ARID2: variants seen among roughly 807,000 people sequenced by gnomAD.
The protein encoded by ARID2 is AT-rich interactive domain-containing protein 2.
Under a neutral mutation model 184.6 loss-of-function variants are expected in ARID2, and 32 were observed. The observed-to-expected ratio is 0.17, with a 90% CI of 0.13 to 0.23. ARID2 has a LOEUF of 0.23. ARID2 is among the 10% of genes least tolerant of loss of function. The pLI, the probability that ARID2 is intolerant of heterozygous loss-of-function variation, is 1.00. For synonymous variants in ARID2, 836 were observed against 772.6 expected (o/e 1.08, Z -1.36); for missense variants, 1,696 against 2,197.6 (o/e 0.77, Z 4.56).
intron 16 of ARID2, among the ~76,000 whole-genome samples, chr12:45,876,523 C>T (rs1342937565): frequency 6.7e-6 from 1 of 150,210 alleles, no homozygotes; most frequent in Admixed American, 6.6e-5. Flanking sequence ...TGCACTCCAG[C>T]CTGGGCAACA....
Position 45,907,633 on chromosome 12 carries a change from A to G in ARID2, c.*2555A>G, listed in dbSNP as rs1017774517. The G allele has an allele frequency of 1.7e-5, 4 of 233,216 alleles. No individual in the cohort carries two copies. The highest frequency in any genetic ancestry group is 4.4e-5 in the African/African-American group (2 of 45,456). The allele number at this position is 233,216 out of a possible 1,614,324, so 14.4% of individuals were successfully genotyped here. ...AATGGAATTAAAGTGCTTTTGCACAATAAGTTCTGCAAAACCCTCTCATTC... is the reference window on the plus strand; with the variant it reads ...AATGGAATTAAAGTGCTTTTGCACAGTAAGTTCTGCAAAACCCTCTCATTC... On this transcript the variant is annotated 3_prime_UTR_variant, in exon 21 of 21. Transcript: ENST00000334344.
chr12:45,796,927 C>T (rs892208686), intron 3 of ARID2, among the ~76,000 whole-genome samples: 8 of 152,196 alleles, frequency 5.3e-5, no homozygotes, highest in African/African-American at 1.7e-4. Context: ...ACCGATATAA[C>T]ACTATGTATT....
chr12:45,826,380 G>A (rs907016597), intron 6 of ARID2, among the ~76,000 whole-genome samples: 1 of 151,924 alleles, frequency 6.6e-6, no homozygotes, highest in African/African-American at 2.4e-5. Context: ...GAGAGAGAGA[G>A]AAATGTTTTC....
At chr12:45,796,776 G>A (rs1459487043) in intron 3 of ARID2, among the ~76,000 whole-genome samples, 1 of 152,186 alleles carries the variant, frequency 6.6e-6, no homozygotes, top group Non-Finnish European at 1.5e-5. Context: ...GCCTCCCAGA[G>A]TGAATACTGA....
At chr12:45,830,715 A>T (rs536591892) in intron 6 of ARID2, among the ~76,000 whole-genome samples, 2 of 152,250 alleles carry the variant, frequency 1.3e-5, no homozygotes, top group South Asian at 4.1e-4. Context: ...CACAATGGGG[A>T]GTGGCAGTTA....
At chr12:45,813,363 A>T (rs1187639532) in intron 4 of ARID2, among the ~76,000 whole-genome samples, 1 of 151,938 alleles carries the variant, frequency 6.6e-6, no homozygotes, top group African/African-American at 2.4e-5. Flanking sequence ...TGACATGATT[A>T]TCAATATATA....
chr12:45,812,202 G>T (rs1942721898), intron 4 of ARID2, among the ~76,000 whole-genome samples: 1 of 148,036 alleles, frequency 6.8e-6, no homozygotes. Context: ...ACTAACATTT[G>T]GCCTAAAAAA....
At chr12:45,819,182 A>G (rs1220396334) in intron 5 of ARID2, among the ~76,000 whole-genome samples, 2 of 152,212 alleles carry the variant, frequency 1.3e-5, no homozygotes, top group Non-Finnish European at 2.9e-5. Context: ...GAATAGGATT[A>G]CATGTAAATA....
At chr12:45,877,525 T>C (rs1944028420) in intron 16 of ARID2, among the ~76,000 whole-genome samples, 2 of 152,066 alleles carry the variant, frequency 1.3e-5, no homozygotes, top group Admixed American at 1.3e-4. Flanking sequence ...TTTCATTATA[T>C]GGTACAATGA....
At position 45,846,955 on chromosome 12, in the gene ARID2, A is replaced by G. The variant is rs759143749; in HGVS notation, c.1580+18A>G. The G allele has an allele frequency of 6.2e-7, 1 of 1,608,158 alleles. No homozygotes were observed. Among genetic ancestry groups the G allele is most frequent in the Admixed American group, 1.7e-5 (1 of 59,882 alleles). ...TGTCAGTGGTAAGTGGTTTATTTCTATTAAGGATTTATCCTTGGGAGGAGT... is the reference window on the plus strand; with the variant it reads ...TGTCAGTGGTAAGTGGTTTATTTCTGTTAAGGATTTATCCTTGGGAGGAGT... On this transcript the variant is annotated intron_variant, in intron 12 of 20. Transcript: ENST00000334344.
intron 3 of ARID2, chr12:45,776,183 CAG>C (rs1484871407): frequency 1.3e-5 from 2 of 158,980 alleles, no homozygotes; most frequent in Admixed American, 1.3e-4. Flanking sequence ...TGCAAATATT[CAG>C]ACCTACTCAG....
At chr12:45,733,475 A>G (rs962000058) in intron 3 of ARID2, among the ~76,000 whole-genome samples, 2 of 152,248 alleles carry the variant, frequency 1.3e-5, no homozygotes, top group African/African-American at 4.8e-5. Flanking sequence ...CAGATTGAAT[A>G]TCATCATTAC....
rs1942872873 is a variant in ARID2, at chr12:45,820,086, CTT to C, written c.638-1332_638-1331del. Among the ~76,000 whole-genome samples the C allele has an allele frequency of 4.6e-5, 7 of 152,158 alleles. 1 individual carries two copies. Among genetic ancestry groups the C allele is most frequent in the Admixed American group, 4.6e-4 (7 of 15,284 alleles). ...TAAGGATTTTTCAGGACAAAGAAAA[CTT>C]TGTCTGTCTTTAGTGGTGTGTGGGC... On this transcript the variant is annotated intron_variant, in intron 5 of 20. Transcript: ENST00000334344.
At chr12:45,792,530 A>G (rs1039883587) in intron 3 of ARID2, among the ~76,000 whole-genome samples, 7 of 152,192 alleles carry the variant, frequency 4.6e-5, no homozygotes, top group African/African-American at 1.7e-4. Flanking sequence ...CAGTATGTCC[A>G]TTAGTTCAAG....
At chr12:45,871,897 TAGAG>T in intron 16 of ARID2, among the ~76,000 whole-genome samples, 1 of 152,212 alleles carries the variant, frequency 6.6e-6, no homozygotes, top group African/African-American at 2.4e-5. Flanking sequence ...TATGTGAGCA[TAGAG>T]ATATTTCTGT....
At position 45,850,745 on chromosome 12, in the gene ARID2, A is replaced by G; in HGVS notation, c.2622A>G (p.Thr874=). Residue 874 remains threonine (T), a synonymous_variant, in exon 15 of 21, where the codon ACA becomes ACG. Transcript: ENST00000334344. ...ATSVQNFQVA[T]GQMVTIAGVP... ...CAGTACAGAATTTTCAGGTAGCTACAGGACAAATGGTTACTATTGCTGGTG... is the reference window on the plus strand; with the variant it reads ...CAGTACAGAATTTTCAGGTAGCTACGGGACAAATGGTTACTATTGCTGGTG... 6.2e-7 allele frequency: 1 copy of G among 1,614,134 alleles called. No individual in the cohort carries two copies. Among genetic ancestry groups the G allele is most frequent in the Non-Finnish European group, 8.5e-7 (1 of 1,179,982 alleles).
At chr12:45,775,491 G>C (rs183788885) in intron 3 of ARID2, among the ~76,000 whole-genome samples, 57 of 152,278 alleles carry the variant, frequency 3.7e-4, no homozygotes, top group African/African-American at 1.3e-3. Context: ...TTCTCTCTCA[G>C]AAGTTTCTGG....
At position 45,848,905 on chromosome 12, in the gene ARID2, C is replaced by T. The variant is rs1943490145; in HGVS notation, c.1650C>T (p.Leu550=). 1.2e-6 allele frequency: 2 copies of T among 1,612,628 alleles called. No homozygotes were observed. The highest frequency in any genetic ancestry group is 1.7e-6 in the Non-Finnish European group (2 of 1,179,056). ...GAGCAGAAATGTATTCTGAATACCTCTCGACTTGCAGTAAATTAGCTCGTG... is the reference window on the plus strand; with the variant it reads ...GAGCAGAAATGTATTCTGAATACCTTTCGACTTGCAGTAAATTAGCTCGTG... ...VSRAEMYSEY[L]STCSKLARGG... Residue 550 remains leucine (L), a synonymous_variant, in exon 13 of 21, where the codon CTC becomes CTT. Transcript: ENST00000334344.
chr12:45,877,388 TCCTTATGAGAA>T (rs1427197979), intron 16 of ARID2, among the ~76,000 whole-genome samples: 1 of 151,660 alleles, frequency 6.6e-6, no homozygotes, highest in African/African-American at 2.4e-5. Context: ...GGTTGCATGC[TCCTTATGAGAA>T]CCTAATGCCT....
Sources: gnomAD v4.1 joint callset for allele counts (sites outside exome capture counted in the v4.1 genomes callset) on GRCh38, gnomAD v4.1.1 for gene constraint, MANE v1.5 for transcripts, NCBI Gene and HGNC (gene_info 2026-07-23, HGNC 2026-07-21) for gene names.